The following HPSE2 variants were observed in gnomAD, a reference collection of about 807,000 sequenced individuals.
HPSE2 encodes the protein heparanase 2 (inactive), also known as inactive heparanase-2.
A neutral mutation model predicts 60.5 loss-of-function variants in HPSE2; 38 were observed. The ratio of observed to expected loss-of-function variants is 0.63; its 90% CI spans 0.48 to 0.82. The LOEUF is 0.82. Ranked by LOEUF, HPSE2 falls within the 40% of genes least tolerant of loss-of-function variation. The pLI is 0.00. For synonymous variants in HPSE2, 295 were observed against 293.2 expected (o/e 1.01, Z -0.06); for missense variants, 713 against 740.4 (o/e 0.96, Z 0.43).
At chr10:98,749,337 T>C (rs1949699922) in intron 3 of HPSE2, among the ~76,000 whole-genome samples, 1 of 151,976 alleles carries the variant, frequency 6.6e-6, no homozygotes, top group Admixed American at 6.6e-5. Flanking sequence ...ATACACCATA[T>C]ATATCTGTAA....
intron 3 of HPSE2, among the ~76,000 whole-genome samples, chr10:98,791,683 A>G (rs1294571413): frequency 6.6e-6 from 1 of 152,202 alleles, no homozygotes; most frequent in Non-Finnish European, 1.5e-5. Context: ...CCTCTATATT[A>G]TAGCACTTAT....
intron 9 of HPSE2, among the ~76,000 whole-genome samples, chr10:98,568,620 ACTTCT>A (rs1262338490): frequency 6.6e-6 from 1 of 152,102 alleles, no homozygotes; most frequent in Non-Finnish European, 1.5e-5. Flanking sequence ...ACCCTGGTTG[ACTTCT>A]CTTTCTCTCT....
intron 3 of HPSE2, among the ~76,000 whole-genome samples, chr10:99,130,159 A>G (rs1313759424): frequency 6.6e-6 from 1 of 152,148 alleles, no homozygotes; most frequent in Non-Finnish European, 1.5e-5. Context: ...CAAAAAAAAA[A>G]GTCCAGGAGA....
At chr10:99,278,685 A>C in the HPSE2 span, among the ~76,000 whole-genome samples, 2,389 of 152,286 alleles carry the variant, frequency 0.016, 26 homozygotes, top group Middle Eastern at 0.051. Context: ...GAAATCAATA[A>C]ATCTGGATTT....
intron 6 of HPSE2, among the ~76,000 whole-genome samples, chr10:98,676,174 T>C (rs370872287): frequency 5.9e-5 from 9 of 152,196 alleles, no homozygotes; most frequent in East Asian, 5.8e-4. Context: ...TGCGATGTGC[T>C]TGGGAAGCGT....
At chr10:98,466,935 C>T (rs140268423) in intron 11 of HPSE2, among the ~76,000 whole-genome samples, 207 of 152,340 alleles carry the variant, frequency 1.4e-3, no homozygotes, top group African/African-American at 4.8e-3. Context: ...TTATCTACTT[C>T]TCCAACCGCC....
At chr10:98,831,826 C>T (rs1468654006) in intron 3 of HPSE2, among the ~76,000 whole-genome samples, 3 of 152,108 alleles carry the variant, frequency 2.0e-5, no homozygotes, top group Non-Finnish European at 2.9e-5. Context: ...AGTACTGCTC[C>T]TCAGAGCTAC....
chr10:99,184,522 C>CAAAAAAAAAAAAA lies in HPSE2; in HGVS notation c.449-40136_449-40124dup, dbSNP rs200059066. Among the ~76,000 whole-genome samples the CAAAAAAAAAAAAA allele has an allele frequency of 6.4e-4, 39 of 60,766 alleles. 1 individual carries two copies. Among genetic ancestry groups the CAAAAAAAAAAAAA allele is most frequent in the Non-Finnish European group, 8.1e-4 (31 of 38,184 alleles). 39.9% of individuals were successfully genotyped at this position (60,766 alleles called of 152,430 possible). On this transcript the variant is annotated intron_variant, in intron 2 of 11. Coordinates refer to ENST00000370552, the MANE Select transcript of HPSE2 (RefSeq NM_021828.5). ...CCTGGGCAACAGAGCGAGACTGTCT[C>CAAAAAAAAAAAAA]AAAAAAAAAAAAAAAAAAAAAAAAA...
chr10:98,762,252 A>G (rs531794587), intron 3 of HPSE2, among the ~76,000 whole-genome samples: 3 of 137,574 alleles, frequency 2.2e-5, no homozygotes, highest in East Asian at 2.4e-4. Flanking sequence ...GTTTGCCTCT[A>G]AAGAAGTCCC....
At chr10:99,183,805 T>C (rs1299928038) in intron 2 of HPSE2, among the ~76,000 whole-genome samples, 1 of 152,168 alleles carries the variant, frequency 6.6e-6, no homozygotes, top group Non-Finnish European at 1.5e-5. Flanking sequence ...ATAGTTCACA[T>C]AGGACCAGAA....
intron 6 of HPSE2, among the ~76,000 whole-genome samples, chr10:98,660,121 G>A (rs1947183385): frequency 6.6e-6 from 1 of 152,150 alleles, no homozygotes. Context: ...GAGAGAAAGT[G>A]CTGCTGGGGG....
At chr10:98,867,530 T>C (rs1952620096) in intron 3 of HPSE2, among the ~76,000 whole-genome samples, 1 of 152,140 alleles carries the variant, frequency 6.6e-6, no homozygotes, top group African/African-American at 2.4e-5. Context: ...AAAAGGGAAC[T>C]TGTACACTAT....
chr10:98,768,954 G>A (rs906353114), intron 3 of HPSE2, among the ~76,000 whole-genome samples: 14 of 152,258 alleles, frequency 9.2e-5, no homozygotes, highest in African/African-American at 3.4e-4. Flanking sequence ...GACCGAAGCA[G>A]GAGAATTGCT....
chr10:99,173,620 T>C (rs1847402926), intron 2 of HPSE2, among the ~76,000 whole-genome samples: 1 of 152,098 alleles, frequency 6.6e-6, no homozygotes. Flanking sequence ...CTTATAACTC[T>C]GAAAAAAATT....
chr10:98,682,765 C>G (rs1215840360), intron 6 of HPSE2, among the ~76,000 whole-genome samples: 2 of 152,148 alleles, frequency 1.3e-5, no homozygotes, highest in South Asian at 4.1e-4. Context: ...ACATGATCCA[C>G]ATAAACAAAA....
At chr10:99,134,403 C>G (rs1304751123) in intron 3 of HPSE2, among the ~76,000 whole-genome samples, 7 of 152,162 alleles carry the variant, frequency 4.6e-5, no homozygotes, top group Admixed American at 3.9e-4. Context: ...AAGAGCAACC[C>G]CAAGACACAT....
At chr10:98,468,065 C>G in intron 11 of HPSE2, among the ~76,000 whole-genome samples, 1 of 152,276 alleles carries the variant, frequency 6.6e-6, no homozygotes, top group East Asian at 1.9e-4. Context: ...TCCCGGCCCC[C>G]TCGCTGAGCG....
intron 2 of HPSE2, among the ~76,000 whole-genome samples, chr10:99,211,159 T>C (rs1301705596): frequency 6.6e-6 from 1 of 151,922 alleles, no homozygotes; most frequent in East Asian, 1.9e-4. Flanking sequence ...AACAATTCTA[T>C]TTATAATAGC....
At chr10:98,517,738 T>C (rs527276103) in intron 9 of HPSE2, among the ~76,000 whole-genome samples, 2 of 152,220 alleles carry the variant, frequency 1.3e-5, no homozygotes, top group East Asian at 3.9e-4. Context: ...AAGCATGGCG[T>C]TTGGAGTCAA....
Sources: gnomAD v4.1 joint callset for allele counts (sites outside exome capture counted in the v4.1 genomes callset) on GRCh38, gnomAD v4.1.1 for gene constraint, MANE v1.5 for transcripts, NCBI Gene and HGNC (gene_info 2026-07-23, HGNC 2026-07-21) for gene names.